Variants in GCNT3 observed in about 807,000 individuals in gnomAD.
GCNT3 encodes beta-1,3-galactosyl-O-glycosyl-glycoprotein beta-1,6-N-acetylglucosaminyltransferase 3.
For missense variants in GCNT3, 708 were observed against 530.3 expected, an observed-to-expected ratio of 1.34 and a Z score of -3.29; for synonymous variants, 269 against 195.2, an observed-to-expected ratio of 1.38 and a Z score of -3.15.
At chr15:59,614,820 C>A (rs2141933779) in intron 1 of GCNT3, among the ~76,000 whole-genome samples, 1 of 152,306 alleles carries the variant, frequency 6.6e-6, no homozygotes, top group South Asian at 2.1e-4. Flanking sequence ...TTTTACCCAG[C>A]CCTTATTCAA....
rs1890914872 is a variant in GCNT3, at chr15:59,620,884, T to TC, written c.*1329_*1330insC. The TC allele has an allele frequency of 7.3e-6, 1 of 137,094 alleles. No homozygotes were observed. Among genetic ancestry groups the TC allele is most frequent in the Non-Finnish European group, 1.6e-5 (1 of 62,132 alleles). The allele number at this position is 137,094 out of a possible 1,614,324, so 8.5% of individuals were successfully genotyped here. A position where few individuals can be genotyped will look rare whatever the true frequency, so the allele number is the denominator to read the frequency against. ...TGAGTCAAAACTCTTTTTTTTTTTTTTTTTTTTTTTTTTTTTGGAGACAGG... is the reference window on the plus strand; with the variant it reads ...TGAGTCAAAACTCTTTTTTTTTTTTTCTTTTTTTTTTTTTTTTGGAGACAGG... On this transcript the variant is annotated 3_prime_UTR_variant, in exon 3 of 3. Coordinates refer to ENST00000396065, the MANE Select transcript of GCNT3 (RefSeq NM_004751.3).
chr15:59,617,407 T>G (rs1242382293), intron 2 of GCNT3, among the ~76,000 whole-genome samples: 1 of 152,170 alleles, frequency 6.6e-6, no homozygotes, highest in Admixed American at 6.5e-5. Context: ...GCAAGTTATT[T>G]AGCTTCTGTT....
chr15:59,611,994 A>G lies in GCNT3; in HGVS notation c.-251+13A>G, dbSNP rs1445126649. The stretch of plus-strand genomic sequence containing the variant: ...ACGCCTGGCAAAGGTAAATGCCACC[A>G]TAACAAATTAAGTAAAAGTGTGCAT... On this transcript the variant is annotated intron_variant, in intron 1 of 2. Transcript: ENST00000396065. The G allele has an allele frequency of 1.3e-5, 2 of 152,220 alleles. No homozygotes were observed. Among genetic ancestry groups the G allele is most frequent in the South Asian group, 2.1e-4 (1 of 4,834 alleles). The allele number at this position is 152,220 out of a possible 1,614,324, so 9.4% of individuals were successfully genotyped here.
chr15:59,619,609 TCAGAA>T lies in GCNT3; in HGVS notation c.*56_*60del. 4 of 1,183,990 alleles carry T rather than the reference TCAGAA, an allele frequency of 3.4e-6. No individual in the cohort carries two copies. Among genetic ancestry groups the T allele is most frequent in the Non-Finnish European group, 4.9e-6 (4 of 815,732 alleles). The allele number at this position is 1,183,990 out of a possible 1,614,324, so 73.3% of individuals were successfully genotyped here. A position where few individuals can be genotyped will look rare whatever the true frequency, so the allele number is the denominator to read the frequency against. On this transcript the variant is annotated 3_prime_UTR_variant, in exon 3 of 3. Coordinates refer to ENST00000396065, the MANE Select transcript of GCNT3 (RefSeq NM_004751.3). ...GGGGCAAGAGCATGTACAAACATGCTCAGAACTTGCTGGGACAGTGTGGGTGGGAG... is the reference window on the plus strand; with the variant it reads ...GGGGCAAGAGCATGTACAAACATGCTCTTGCTGGGACAGTGTGGGTGGGAG...
chr15:59,619,311 C>G lies in GCNT3; in HGVS notation c.1073C>G (p.Thr358Ser). ...CCCAAGTACGACATCTCAGACATGA[C>G]TTCTATTGCCAGGCTGGTCAAGTGG... The part of the protein sequence containing the change: ...NHPKYDISDM[T>S]SIARLVKWQG... Residue 358 changes from threonine (T) to serine (S), a missense_variant, in exon 3 of 3, where the codon ACT becomes AGT. By Grantham distance (58) the Thr-to-Ser change is moderately conservative. Transcript: ENST00000396065. 6.2e-7 allele frequency: 1 copy of G among 1,614,122 alleles called. No homozygotes were observed. The highest frequency in any genetic ancestry group is 8.5e-7 in the Non-Finnish European group (1 of 1,180,010).
rs943171838 is a variant in GCNT3, at chr15:59,611,862, C to G, written c.-370C>G. 9.2e-5 allele frequency: 14 copies of G among 152,174 alleles called. No homozygotes were observed. The highest frequency in any genetic ancestry group is 3.4e-4 in the African/African-American group (14 of 41,424). The allele number at this position is 152,174 out of a possible 1,614,324, so 9.4% of individuals were successfully genotyped here. A position where few individuals can be genotyped will look rare whatever the true frequency, so the allele number is the denominator to read the frequency against. ...TGCCCTTTACTCAGCAGTTTTTGTTCTGGGAAGCCCTGGGATTCTGCTAAT... is the reference window on the plus strand; with the variant it reads ...TGCCCTTTACTCAGCAGTTTTTGTTGTGGGAAGCCCTGGGATTCTGCTAAT... On this transcript the variant is annotated 5_prime_UTR_variant, in exon 1 of 3. Coordinates refer to ENST00000396065, the MANE Select transcript of GCNT3 (RefSeq NM_004751.3).
At chr15:59,612,124 A>G (rs2082699037) in intron 1 of GCNT3, 143 bp downstream of exon 1, 1 of 152,254 alleles carries the variant, frequency 6.6e-6, no homozygotes, top group East Asian at 1.9e-4. Context: ...CAAGGTTAAC[A>G]TCAAATCCCA....
At chr15:59,612,308 T>G (rs192792218) in intron 1 of GCNT3, among the ~76,000 whole-genome samples, 6 of 152,314 alleles carry the variant, frequency 3.9e-5, no homozygotes, top group Non-Finnish European at 1.5e-5. Context: ...AGAAAAAGAT[T>G]GAGGAGTCTG....
chr15:59,622,629 G>C lies in GCNT3; in HGVS notation c.*3074G>C, dbSNP rs1426740233. Reference sequence around the variant, plus strand: ...GCCTCCCTGGGTGCAGATTCTCTGAGAAAAGAACTTTGGCCTCATAGTTAA... The same window carrying C: ...GCCTCCCTGGGTGCAGATTCTCTGACAAAAGAACTTTGGCCTCATAGTTAA... On this transcript the variant is annotated 3_prime_UTR_variant, in exon 3 of 3. Coordinates refer to ENST00000396065, the MANE Select transcript of GCNT3 (RefSeq NM_004751.3). 1.3e-5 allele frequency: 2 copies of C among 152,188 alleles called. No individual in the cohort carries two copies. Among genetic ancestry groups the C allele is most frequent in the Non-Finnish European group, 2.9e-5 (2 of 68,042 alleles). The allele number at this position is 152,188 out of a possible 1,614,324, so 9.4% of individuals were successfully genotyped here.
chr15:59,617,390 G>A (rs1385311228), intron 2 of GCNT3, among the ~76,000 whole-genome samples: 6 of 151,840 alleles, frequency 4.0e-5, no homozygotes, highest in Admixed American at 3.9e-4. Context: ...TAAAACATGT[G>A]TATTTGGCAA....
At chr15:59,615,356 G>C (rs1472474867) in intron 1 of GCNT3, 1 of 152,158 alleles carries the variant, frequency 6.6e-6, no homozygotes, top group Non-Finnish European at 1.5e-5. Flanking sequence ...CCTCCTGTGA[G>C]CTCAGAGACC....
chr15:59,622,569 G>C lies in GCNT3; in HGVS notation c.*3014G>C, dbSNP rs1890958480. On this transcript the variant is annotated 3_prime_UTR_variant, in exon 3 of 3. Transcript: ENST00000396065. ...TGGTCCTCCTCTGAAGGAGGTAGAA[G>C]GGGCACACGGCCACCGTGGGAAGTA... 4 of 152,164 alleles carry C rather than the reference G, an allele frequency of 2.6e-5. No individual in the cohort carries two copies. Among genetic ancestry groups the C allele is most frequent in the African/African-American group, 9.7e-5 (4 of 41,436 alleles). 9.4% of individuals were successfully genotyped at this position (152,164 alleles called of 1,614,324 possible). A position where few individuals can be genotyped will look rare whatever the true frequency, so the allele number is the denominator to read the frequency against.
At chr15:59,614,818 A>C (rs942597005) in intron 1 of GCNT3, among the ~76,000 whole-genome samples, 11 of 152,294 alleles carry the variant, frequency 7.2e-5, no homozygotes, top group Non-Finnish European at 8.8e-5. Flanking sequence ...CATTTTACCC[A>C]GCCCTTATTC....
intron 1 of GCNT3, among the ~76,000 whole-genome samples, chr15:59,616,202 G>A (rs184603552): frequency 6.6e-6 from 1 of 152,174 alleles, no homozygotes; most frequent in Non-Finnish European, 1.5e-5. Context: ...ACAGGCAAAT[G>A]GATGTTTTCT....
In GCNT3 at chr15:59,618,391, C is replaced by A; in HGVS notation, c.153C>A (p.Tyr51Ter). The change falls in exon 3 of 3, where the codon TAC (tyrosine) becomes TAA (stop). Residue 51 changes from tyrosine (Y) to a stop codon, truncating the protein, a stop_gained. Transcript: ENST00000396065. LOFTEE classifies it low-confidence loss of function (END_TRUNC). The part of the protein sequence containing the change: ...GLESRESQSQ[Y>*]CRNILYNFLK... ...AGTCCAGGGAATCTCAAAGCCAGTA[C>A]TGTAGGAATATCTTGTATAATTTCC... 1.2e-6 allele frequency: 2 copies of A among 1,614,156 alleles called. No individual in the cohort carries two copies. Among genetic ancestry groups the A allele is most frequent in the Non-Finnish European group, 1.7e-6 (2 of 1,179,998 alleles).
chr15:59,617,426 T>TA (rs1213867859), intron 2 of GCNT3, among the ~76,000 whole-genome samples: 1 of 152,182 alleles, frequency 6.6e-6, no homozygotes, highest in African/African-American at 2.4e-5. Flanking sequence ...TTTTCCTATC[T>TA]ATAAAAGAGG....
intron 1 of GCNT3, chr15:59,616,438 G>T (rs989604086): frequency 6.6e-6 from 1 of 152,198 alleles, no homozygotes; most frequent in Non-Finnish European, 1.5e-5. Context: ...AGGGAAAAAG[G>T]CTTTCAAGTT....
Position 59,620,540 on chromosome 15 carries a change from TTTA to T in GCNT3, c.*987_*989del, listed in dbSNP as rs1273395410. 2 of 166,986 alleles carry T rather than the reference TTTA, an allele frequency of 1.2e-5. No homozygotes were observed. The highest frequency in any genetic ancestry group is 2.9e-5 in the Non-Finnish European group (2 of 68,104). The allele number at this position is 166,986 out of a possible 1,614,324, so 10.3% of individuals were successfully genotyped here. On this transcript the variant is annotated 3_prime_UTR_variant, in exon 3 of 3. Transcript: ENST00000396065. ...ATTGTTAAAAGCCATCCTCATTTTGTTTATATTGCCAGGTTTGTGATTTTTCTG... is the reference window on the plus strand; with the variant it reads ...ATTGTTAAAAGCCATCCTCATTTTGTTATTGCCAGGTTTGTGATTTTTCTG...
chr15:59,613,383 C>T (rs1356327694), intron 1 of GCNT3, among the ~76,000 whole-genome samples: 1 of 151,900 alleles, frequency 6.6e-6, no homozygotes, highest in Non-Finnish European at 1.5e-5. Flanking sequence ...TAACACATAA[C>T]CAACTTACTT....
Sources: allele counts gnomAD v4.1 joint callset (sites outside exome capture counted in the v4.1 genomes callset), GRCh38; gene constraint gnomAD v4.1.1; transcripts MANE v1.5; gene names NCBI Gene and HGNC (gene_info 2026-07-23, HGNC 2026-07-21).